KLF12: variants seen among roughly 807,000 people sequenced by gnomAD.
The protein encoded by KLF12 is KLF transcription factor 12.
In KLF12, 9 loss-of-function variants were observed where a neutral mutation model predicts 37.8. The ratio of observed to expected loss-of-function variants is 0.24; its 90% CI spans 0.14 to 0.42. KLF12 has a LOEUF of 0.42. Ranked by LOEUF, KLF12 falls within the 10% of genes least tolerant of loss-of-function variation. The pLI, the probability that KLF12 is intolerant of heterozygous loss-of-function variation, is 1.00. For missense variants in KLF12, 411 were observed against 516.0 expected, an observed-to-expected ratio of 0.80 and a Z score of 1.97; for synonymous variants, 208 against 202.1, an observed-to-expected ratio of 1.03 and a Z score of -0.25.
chr13:74,288,071 G>A, the KLF12 span, among the ~76,000 whole-genome samples: 2 of 109,636 alleles, frequency 1.8e-5, no homozygotes, highest in Admixed American at 1.1e-4. Context: ...TGGTTTGAAG[G>A]GGGGAAGGAA....
intron 3 of KLF12, among the ~76,000 whole-genome samples, chr13:73,942,916 T>A (rs1890252081): frequency 6.6e-6 from 1 of 152,200 alleles, no homozygotes; most frequent in Non-Finnish European, 1.5e-5. Flanking sequence ...GATGCTCAGG[T>A]ATGCAGAAGT....
chr13:74,049,717 T>C (rs576589001), intron 1 of KLF12, among the ~76,000 whole-genome samples: 1 of 152,094 alleles, frequency 6.6e-6, no homozygotes, highest in East Asian at 1.9e-4. Flanking sequence ...TAATCCAACA[T>C]TTGAGAATGA....
intron 1 of KLF12, among the ~76,000 whole-genome samples, chr13:74,112,922 GA>G (rs1458962967): frequency 6.6e-6 from 1 of 152,114 alleles, no homozygotes; most frequent in Non-Finnish European, 1.5e-5. Context: ...AGTTCCAGAA[GA>G]AAATTGAAAG....
At chr13:74,171,990 A>G in the KLF12 span, among the ~76,000 whole-genome samples, 1 of 152,208 alleles carries the variant, frequency 6.6e-6, no homozygotes, top group Admixed American at 6.5e-5. Context: ...TAATGAGGCT[A>G]AGACAGTAGG....
the KLF12 span, among the ~76,000 whole-genome samples, chr13:74,234,300 A>C: frequency 9.8e-5 from 15 of 152,346 alleles, no homozygotes; most frequent in Non-Finnish European, 1.3e-4. Flanking sequence ...GCAGCATAAC[A>C]CAGTGGGTAG....
At chr13:74,049,337 G>A (rs1050687067) in intron 1 of KLF12, among the ~76,000 whole-genome samples, 1 of 152,130 alleles carries the variant, frequency 6.6e-6, no homozygotes, top group Non-Finnish European at 1.5e-5. Context: ...GTTTTTCTAT[G>A]GAAGACCTAA....
intron 1 of KLF12, among the ~76,000 whole-genome samples, chr13:74,044,302 AC>A (rs138071265): frequency 0.11 from 16,713 of 151,954 alleles, 996 homozygotes; most frequent in African/African-American, 0.13. Flanking sequence ...GCCTTGCAAC[AC>A]CCCAGTGGCA....
chr13:74,259,844 A>G, the KLF12 span: 1 of 152,160 alleles, frequency 6.6e-6, no homozygotes, highest in African/African-American at 2.4e-5. Flanking sequence ...TCACACTTCA[A>G]AGGCTGTGGG....
Position 73,991,690 on chromosome 13 carries a change from C to T in KLF12, c.33+3300G>A, listed in dbSNP as rs559724128. Among the ~76,000 whole-genome samples the T allele has an allele frequency of 2.6e-5, 4 of 152,308 alleles. No homozygotes were observed. In the East Asian group the frequency reaches 7.7e-4, roughly 29 times the overall value. ...AGCTAAGGCCTGCCTCTTTTTGATT[C>T]CACTTTTATTGTCCAGGCAACTACC... On this transcript the variant is annotated intron_variant, in intron 2 of 7. Transcript: ENST00000377669.
At chr13:74,137,541 C>T (rs1028104207), upstream of KLF12, among the ~76,000 whole-genome samples, 1 of 152,144 alleles carries the variant, frequency 6.6e-6, no homozygotes, top group African/African-American at 2.4e-5. Context: ...TTACCTAACA[C>T]ATTGTCCAGA....
At chr13:74,118,626 CACATT>C (rs1239190953) in intron 1 of KLF12, among the ~76,000 whole-genome samples, 2 of 152,162 alleles carry the variant, frequency 1.3e-5, no homozygotes, top group African/African-American at 4.8e-5. Flanking sequence ...AATGCACTCT[CACATT>C]ACATTTATTA....
the KLF12 span, among the ~76,000 whole-genome samples, chr13:74,241,198 C>A: frequency 6.6e-6 from 1 of 152,176 alleles, no homozygotes; most frequent in African/African-American, 2.4e-5. Flanking sequence ...TTGGAGTACC[C>A]AGCCATGTGA....
intron 4 of KLF12, among the ~76,000 whole-genome samples, chr13:73,825,442 C>T (rs1883783961): frequency 6.6e-6 from 1 of 152,230 alleles, no homozygotes; most frequent in Non-Finnish European, 1.5e-5. Flanking sequence ...TACACTATAA[C>T]ACCAAGAGAG....
At chr13:73,948,513 T>C (rs553625112) in intron 2 of KLF12, among the ~76,000 whole-genome samples, 1 of 152,286 alleles carries the variant, frequency 6.6e-6, no homozygotes, top group African/African-American at 2.4e-5. Context: ...GCCACCAGGA[T>C]GGCATAGCAG....
intron 3 of KLF12, among the ~76,000 whole-genome samples, chr13:73,933,541 T>C (rs1308911381): frequency 6.6e-6 from 1 of 152,208 alleles, no homozygotes; most frequent in African/African-American, 2.4e-5. Flanking sequence ...AGGACTGGCA[T>C]GGCTAAACAC....
At chr13:73,778,048 C>T (rs1237801033) in intron 5 of KLF12, among the ~76,000 whole-genome samples, 2 of 151,536 alleles carry the variant, frequency 1.3e-5, no homozygotes, top group East Asian at 1.9e-4. Flanking sequence ...GCAGGAGAAT[C>T]GCTTGAACTC....
intron 6 of KLF12, among the ~76,000 whole-genome samples, chr13:73,720,671 C>T (rs1876174597): frequency 6.6e-6 from 1 of 152,136 alleles, no homozygotes. Flanking sequence ...GCACAATAGT[C>T]CCACTTGGAA....
intron 1 of KLF12, among the ~76,000 whole-genome samples, chr13:74,102,932 T>C (rs774403217): frequency 2.6e-5 from 4 of 152,232 alleles, no homozygotes; most frequent in South Asian, 2.1e-4. Flanking sequence ...GTAGGTTTTA[T>C]GGATTGGATG....
intron 2 of KLF12, among the ~76,000 whole-genome samples, chr13:73,982,498 A>G (rs909250747): frequency 6.6e-6 from 1 of 152,232 alleles, no homozygotes; most frequent in Non-Finnish European, 1.5e-5. Flanking sequence ...TTGAAAGGTA[A>G]ATGTACACTT....
Sources: allele counts gnomAD v4.1 joint callset (sites outside exome capture counted in the v4.1 genomes callset), GRCh38; gene constraint gnomAD v4.1.1; transcripts MANE v1.5; gene names NCBI Gene and HGNC (gene_info 2026-07-23, HGNC 2026-07-21).